SCN9A: variants seen among roughly 807,000 people sequenced by gnomAD.
The protein encoded by SCN9A is sodium channel protein type 9 subunit alpha.
Under a neutral mutation model 187.0 loss-of-function variants are expected in SCN9A, and 131 were observed. The ratio of observed to expected loss-of-function variants is 0.70; its 90% CI spans 0.61 to 0.81. The LOEUF (loss-of-function observed/expected upper bound fraction) is 0.81, where lower values mean the gene tolerates loss of function less well. Ranked by LOEUF, SCN9A falls within the 30% of genes least tolerant of loss-of-function variation. SCN9A has a pLI of 0.00. For missense variants in SCN9A, 2,252 were observed against 2,396.6 expected (o/e 0.94, Z 1.26); for synonymous variants, 809 against 808.6 (o/e 1.00, Z -0.01).
Position 166,208,569 on chromosome 2 carries a change from A to T in SCN9A, c.4399-4105T>A, listed in dbSNP as rs147968793. On this transcript the variant is annotated intron_variant, in intron 24 of 26. Transcript: ENST00000642356. ...ATATCATGTAATCTTCCTTTTTATA[A>T]CTTGAACTCATTAATGACTTTTGTT... 6.2e-3 allele frequency among the ~76,000 whole-genome samples: 941 copies of T among 152,128 alleles called. 13 individuals are homozygous for T. The highest frequency in any genetic ancestry group is 0.052 in the South Asian group (249 of 4,820).
intron 1 of SCN9A, among the ~76,000 whole-genome samples, chr2:166,343,231 A>G (rs894336727): frequency 5.3e-5 from 8 of 152,144 alleles, no homozygotes; most frequent in African/African-American, 1.4e-4. Context: ...AATTCTAATC[A>G]ATGTTTTATT....
chr2:166,208,560 C>T (rs1693929164), intron 24 of SCN9A, among the ~76,000 whole-genome samples: 1 of 151,620 alleles, frequency 6.6e-6, no homozygotes, highest in Non-Finnish European at 1.5e-5. Context: ...TGTAATCTTC[C>T]TTTTTATAAC....
At chr2:166,353,785 C>G (rs1700093958) in intron 1 of SCN9A, among the ~76,000 whole-genome samples, 2 of 152,110 alleles carry the variant, frequency 1.3e-5, no homozygotes, top group Non-Finnish European at 2.9e-5. Flanking sequence ...GATTTTTATC[C>G]TACTTCTACA....
intron 1 of SCN9A, among the ~76,000 whole-genome samples, chr2:166,370,392 AC>A (rs1700529187): frequency 6.6e-6 from 1 of 151,086 alleles, no homozygotes; most frequent in Non-Finnish European, 1.5e-5. Flanking sequence ...AAATACAAAA[AC>A]ATTAGCCGGG....
intron 1 of SCN9A, among the ~76,000 whole-genome samples, chr2:166,345,834 G>T (rs976001614): frequency 2.0e-5 from 3 of 152,066 alleles, no homozygotes; most frequent in Non-Finnish European, 4.4e-5. Context: ...CATCCCAAGA[G>T]AATATCTTCT....
chr2:166,347,385 G>A (rs546194264), intron 1 of SCN9A, among the ~76,000 whole-genome samples: 66 of 152,272 alleles, frequency 4.3e-4, no homozygotes, highest in South Asian at 1.0e-3. Flanking sequence ...TAAATCCAGA[G>A]GGTTCATGAA....
At chr2:166,277,600 C>T (rs1697294503) in intron 15 of SCN9A, 2 of 353,592 alleles carry the variant, frequency 5.7e-6, no homozygotes, top group Admixed American at 4.2e-5. Context: ...AACCTCTTAT[C>T]ATAATTTGTG....
At chr2:166,222,942 C>CAAAAAAAAAAAAA (rs1558960810) in intron 24 of SCN9A, among the ~76,000 whole-genome samples, 1 of 55,292 alleles carries the variant, frequency 1.8e-5, no homozygotes, top group Admixed American at 1.6e-4. Flanking sequence ...AAAAAAAAAA[C>CAAAAAAAAAAAAA]AACAAAAAAA....
chr2:166,222,451 A>C (rs1161958497), intron 24 of SCN9A, among the ~76,000 whole-genome samples: 1 of 151,742 alleles, frequency 6.6e-6, no homozygotes, highest in Non-Finnish European at 1.5e-5. Flanking sequence ...AAAATGGTGA[A>C]ACTCCATCTC....
At chr2:166,341,397 T>G (rs1272222851) in intron 1 of SCN9A, among the ~76,000 whole-genome samples, 1 of 152,234 alleles carries the variant, frequency 6.6e-6, no homozygotes, top group African/African-American at 2.4e-5. Context: ...AAGGAAACAT[T>G]GAAGCTATGA....
In SCN9A at chr2:166,237,016, A is replaced by T. The variant is rs182031450; in HGVS notation, c.3801+1078T>A. Among the ~76,000 whole-genome samples the T allele has an allele frequency of 4.9e-4, 75 of 152,278 alleles. No individual in the cohort carries two copies. In the East Asian group the frequency reaches 0.013, roughly 25 times the overall value. ...AAATCTCTAAAAACTATGACTGATT[A>T]TAGGATGTTTCTTCCCTAAACACAA... On this transcript the variant is annotated intron_variant, in intron 20 of 26. Transcript: ENST00000642356.
At chr2:166,349,903 C>T (rs1001346232) in intron 1 of SCN9A, among the ~76,000 whole-genome samples, 1 of 151,722 alleles carries the variant, frequency 6.6e-6, no homozygotes, top group African/African-American at 2.4e-5. Flanking sequence ...ACCTGGGAGG[C>T]GGAGGTTGTG....
chr2:166,241,433 C>G (rs1037415363), intron 19 of SCN9A, among the ~76,000 whole-genome samples: 1 of 152,108 alleles, frequency 6.6e-6, no homozygotes, highest in African/African-American at 2.4e-5. Flanking sequence ...TCTGTTTTCC[C>G]TTTTTATAAC....
intron 24 of SCN9A, among the ~76,000 whole-genome samples, 165 bp downstream of exon 24, chr2:166,226,402 A>C (rs951770623): frequency 6.6e-6 from 1 of 152,156 alleles, no homozygotes; most frequent in Non-Finnish European, 1.5e-5. Flanking sequence ...AAAATGAATA[A>C]GATTAAGCAT....
intron 24 of SCN9A, among the ~76,000 whole-genome samples, chr2:166,223,985 G>T (rs56137674): frequency 0.16 from 25,007 of 152,068 alleles, 2,435 homozygotes; most frequent in East Asian, 0.34. Flanking sequence ...AATGATAGGG[G>T]ATATGAGTTT....
At chr2:166,333,705 GACAAA>G (rs1316776929) in intron 1 of SCN9A, among the ~76,000 whole-genome samples, 1 of 151,842 alleles carries the variant, frequency 6.6e-6, no homozygotes, top group Non-Finnish European at 1.5e-5. Flanking sequence ...ATTTTCCACT[GACAAA>G]ACAGAACATT....
chr2:166,361,341 C>A (rs973129550), intron 1 of SCN9A, among the ~76,000 whole-genome samples: 1 of 152,030 alleles, frequency 6.6e-6, no homozygotes, highest in African/African-American at 2.4e-5. Context: ...ATATACAAAA[C>A]CTTTTCTTCT....
intron 19 of SCN9A, among the ~76,000 whole-genome samples, chr2:166,241,330 G>A (rs890175518): frequency 1.3e-5 from 2 of 152,120 alleles, no homozygotes; most frequent in Non-Finnish European, 1.5e-5. Context: ...CAGGTAGCTT[G>A]TAATTCTACT....
chr2:166,325,593 C>T (rs554100480), intron 1 of SCN9A, among the ~76,000 whole-genome samples: 84 of 152,184 alleles, frequency 5.5e-4, no homozygotes, highest in African/African-American at 1.9e-3. Flanking sequence ...AGAATAAGTA[C>T]AATTTAACTC....
Sources: allele counts gnomAD v4.1 joint callset (sites outside exome capture counted in the v4.1 genomes callset), GRCh38; gene constraint gnomAD v4.1.1; transcripts MANE v1.5; gene names NCBI Gene and HGNC (gene_info 2026-07-23, HGNC 2026-07-21).